The following TMEM163 variants were observed in gnomAD, a reference collection of about 807,000 sequenced individuals.
TMEM163 encodes transmembrane protein 163.
In TMEM163, 17 loss-of-function variants were observed where a neutral mutation model predicts 29.3. The ratio of observed to expected loss-of-function variants is 0.58; its 90% CI spans 0.40 to 0.87. The LOEUF (loss-of-function observed/expected upper bound fraction) is 0.87, where lower values mean the gene tolerates loss of function less well. TMEM163 is among the 40% of genes least tolerant of loss of function. TMEM163 has a pLI of 0.00. For synonymous variants in TMEM163, 157 were observed against 160.6 expected, an observed-to-expected ratio of 0.98 and a Z score of 0.17; for missense variants, 303 against 381.5, an observed-to-expected ratio of 0.79 and a Z score of 1.71.
chr2:134,713,767 C>T (rs1387342843), intron 1 of TMEM163, among the ~76,000 whole-genome samples: 2 of 152,322 alleles, frequency 1.3e-5, no homozygotes, highest in Non-Finnish European at 2.9e-5. Flanking sequence ...CCAGCACAGT[C>T]CCAACTGGTG....
intron 5 of TMEM163, among the ~76,000 whole-genome samples, chr2:134,499,771 C>T (rs368283946): frequency 4.5e-4 from 68 of 152,264 alleles, no homozygotes; most frequent in Non-Finnish European, 6.5e-4. Flanking sequence ...CCATGTAAAA[C>T]GCAGTTCTGC....
intron 4 of TMEM163, among the ~76,000 whole-genome samples, chr2:134,548,211 T>C (rs1419230344): frequency 6.6e-6 from 1 of 152,186 alleles, no homozygotes; most frequent in African/African-American, 2.4e-5. Flanking sequence ...AAAAGACATT[T>C]TTAAAAGCTA....
chr2:134,655,279 T>G (rs1558980190), intron 2 of TMEM163, among the ~76,000 whole-genome samples: 2 of 136,346 alleles, frequency 1.5e-5, no homozygotes, highest in East Asian at 2.0e-4. Context: ...CCTTCCCTTC[T>G]CACTTCATTT....
chr2:134,550,453 G>T, intron 4 of TMEM163, 117 bp downstream of exon 4: 1 of 915,366 alleles, frequency 1.1e-6, no homozygotes, highest in Non-Finnish European at 1.7e-6. Context: ...AGCAACCTGG[G>T]GACCTTCTTC....
chr2:134,511,047 C>T (rs749973993), intron 4 of TMEM163, among the ~76,000 whole-genome samples: 2 of 150,400 alleles, frequency 1.3e-5, no homozygotes, highest in Non-Finnish European at 2.9e-5. Context: ...ATGAACAGGA[C>T]AGCAATTGCC....
intron 4 of TMEM163, among the ~76,000 whole-genome samples, chr2:134,503,506 CAT>C (rs1679746566): frequency 6.6e-6 from 1 of 152,186 alleles, no homozygotes; most frequent in Non-Finnish European, 1.5e-5. Context: ...ATGCACCAAA[CAT>C]AAAATGGGAA....
At chr2:134,519,653 A>G (rs1680149911) in intron 4 of TMEM163, among the ~76,000 whole-genome samples, 2 of 152,000 alleles carry the variant, frequency 1.3e-5, no homozygotes, top group South Asian at 4.2e-4. Flanking sequence ...CAGAGCTTGC[A>G]GTGAGCCGAG....
At chr2:134,603,897 A>C (rs1040464659) in intron 2 of TMEM163, among the ~76,000 whole-genome samples, 2 of 151,598 alleles carry the variant, frequency 1.3e-5, no homozygotes, top group Admixed American at 1.3e-4. Context: ...AGGGTATGGA[A>C]GGGAGAGAGA....
chr2:134,618,512 T>A (rs1225616240), intron 2 of TMEM163, among the ~76,000 whole-genome samples: 1 of 152,102 alleles, frequency 6.6e-6, no homozygotes, highest in Admixed American at 6.6e-5. Flanking sequence ...TCAGTAAAGA[T>A]ATAAAAAATT....
intron 2 of TMEM163, among the ~76,000 whole-genome samples, chr2:134,555,550 A>T (rs565191964): frequency 4.6e-5 from 7 of 152,240 alleles, no homozygotes; most frequent in Non-Finnish European, 1.0e-4. Flanking sequence ...CTGGCAACAC[A>T]TCCACAAAGA....
chr2:134,537,993 C>T (rs1680578022), intron 4 of TMEM163, among the ~76,000 whole-genome samples: 1 of 152,210 alleles, frequency 6.6e-6, no homozygotes, highest in Non-Finnish European at 1.5e-5. Context: ...AAGTTGGAGC[C>T]TTCGTACTCT....
At chr2:134,575,646 G>GGA (rs1681535635) in intron 2 of TMEM163, among the ~76,000 whole-genome samples, 1 of 152,166 alleles carries the variant, frequency 6.6e-6, no homozygotes, top group Non-Finnish European at 1.5e-5. Context: ...AGAAAGCTAA[G>GGA]CAGCTATGAG....
At chr2:134,468,205 C>T (rs1686711513) in intron 5 of TMEM163, 1 of 152,182 alleles carries the variant, frequency 6.6e-6, no homozygotes, top group Admixed American at 6.5e-5. Flanking sequence ...GAGGTGGGGC[C>T]TCTGGGAGGT....
At chr2:134,577,817 GA>G (rs146682931) in intron 2 of TMEM163, among the ~76,000 whole-genome samples, 92 of 152,026 alleles carry the variant, frequency 6.1e-4, no homozygotes, top group Middle Eastern at 3.4e-3. Flanking sequence ...ATGTGGGGGG[GA>G]AAAATACAAC....
At chr2:134,586,922 C>T (rs1442897310) in intron 2 of TMEM163, among the ~76,000 whole-genome samples, 1 of 152,162 alleles carries the variant, frequency 6.6e-6, no homozygotes, top group Admixed American at 6.5e-5. Flanking sequence ...TTATCCTTTC[C>T]ACACCAGTAA....
chr2:134,619,936 G>C (rs1682693035), intron 2 of TMEM163, among the ~76,000 whole-genome samples: 1 of 152,016 alleles, frequency 6.6e-6, no homozygotes, highest in South Asian at 2.1e-4. Context: ...CATGCACTAT[G>C]GCTTCAAAAA....
chr2:134,577,806 C>T (rs1224914090), intron 2 of TMEM163, among the ~76,000 whole-genome samples: 1 of 145,626 alleles, frequency 6.9e-6, no homozygotes, highest in Admixed American at 7.1e-5. Flanking sequence ...AGATCGAAAA[C>T]ATGTGGGGGG....
At chr2:134,579,389 G>A (rs1256813555) in intron 2 of TMEM163, among the ~76,000 whole-genome samples, 1 of 152,184 alleles carries the variant, frequency 6.6e-6, no homozygotes, top group Non-Finnish European at 1.5e-5. Flanking sequence ...AAAGCTGTAA[G>A]TGACATAATG....
chr2:134,677,959 C>A (rs906537006), intron 2 of TMEM163, among the ~76,000 whole-genome samples: 7 of 152,206 alleles, frequency 4.6e-5, no homozygotes, highest in Admixed American at 1.3e-4. Context: ...CACCCCTCCA[C>A]GTTCCAGTAA....
Sources: gnomAD v4.1 joint callset for allele counts (sites outside exome capture counted in the v4.1 genomes callset) on GRCh38, gnomAD v4.1.1 for gene constraint, MANE v1.5 for transcripts, NCBI Gene and HGNC (gene_info 2026-07-23, HGNC 2026-07-21) for gene names.